Variants in CNTN5 observed in about 807,000 individuals in gnomAD.
The protein encoded by CNTN5 is contactin-5.
Under a neutral mutation model 129.1 loss-of-function variants are expected in CNTN5, and 77 were observed. The observed-to-expected ratio is 0.60, with a 90% CI of 0.50 to 0.72. The LOEUF is 0.72. CNTN5 is among the 30% of genes least tolerant of loss of function. The pLI, the probability that CNTN5 is intolerant of heterozygous loss-of-function variation, is 0.00. For synonymous variants in CNTN5, 509 were observed against 465.6 expected, an observed-to-expected ratio of 1.09 and a Z score of -1.20; for missense variants, 1,478 against 1,328.8, an observed-to-expected ratio of 1.11 and a Z score of -1.75.
chr11:99,831,161 T>C (rs557292293), intron 4 of CNTN5, among the ~76,000 whole-genome samples: 47 of 152,290 alleles, frequency 3.1e-4, no homozygotes, highest in Non-Finnish European at 4.7e-4. Context: ...AATACATCTT[T>C]ATTAATCAAA....
intron 4 of CNTN5, among the ~76,000 whole-genome samples, chr11:99,835,123 C>T (rs1394513946): frequency 3.9e-5 from 6 of 152,218 alleles, no homozygotes; most frequent in African/African-American, 1.4e-4. Flanking sequence ...TCCTACTTTG[C>T]TGTACGTGGT....
intron 21 of CNTN5, among the ~76,000 whole-genome samples, chr11:100,333,613 G>C (rs888558664): frequency 1.3e-5 from 2 of 152,052 alleles, no homozygotes; most frequent in Admixed American, 6.6e-5. Flanking sequence ...ACAGAATAGA[G>C]AACCCAGAAA....
intron 3 of CNTN5, among the ~76,000 whole-genome samples, chr11:99,637,348 T>A (rs1163135021): frequency 6.6e-6 from 1 of 152,000 alleles, no homozygotes; most frequent in Non-Finnish European, 1.5e-5. Flanking sequence ...CACAATGTCA[T>A]GATATCAAAG....
chr11:99,554,949 T>G (rs373101300), intron 2 of CNTN5, among the ~76,000 whole-genome samples: 1 of 152,044 alleles, frequency 6.6e-6, no homozygotes, highest in African/African-American at 2.4e-5. Flanking sequence ...AAAATTCTTT[T>G]GTTTAGGCTT....
At chr11:100,236,510 T>A (rs947147704) in intron 16 of CNTN5, among the ~76,000 whole-genome samples, 1 of 152,178 alleles carries the variant, frequency 6.6e-6, no homozygotes, top group African/African-American at 2.4e-5. Flanking sequence ...CTGAGTGACT[T>A]TGGTCTTTAC....
rs771328514 is a variant in CNTN5 at position 99,916,168 on chromosome 11, C to G, written c.673+19C>G. The G allele has an allele frequency of 1.3e-6, 2 of 1,582,056 alleles. No homozygotes were observed. The highest frequency in any genetic ancestry group is 1.7e-6 in the Non-Finnish European group (2 of 1,153,640). ...TCACCAGGTACAGTAGGATCTCATT[C>G]TTTGCTGCTGCTGCTGCTCTCTTTT... On this transcript the variant is annotated intron_variant, in intron 7 of 24. Transcript: ENST00000524871.
intron 13 of CNTN5, among the ~76,000 whole-genome samples, chr11:100,140,294 T>C (rs570596091): frequency 7.2e-5 from 11 of 152,250 alleles, no homozygotes; most frequent in Non-Finnish European, 1.3e-4. Context: ...GGTGCAGGCA[T>C]AGAGGAGGTG....
chr11:99,391,834 G>T (rs1277113173), intron 2 of CNTN5, among the ~76,000 whole-genome samples: 1 of 151,880 alleles, frequency 6.6e-6, no homozygotes, highest in East Asian at 1.9e-4. Context: ...GTCATATTAG[G>T]TATAAGGGCA....
intron 9 of CNTN5, among the ~76,000 whole-genome samples, chr11:100,017,992 G>T (rs528491222): frequency 6.6e-6 from 1 of 151,918 alleles, no homozygotes; most frequent in East Asian, 1.9e-4. Flanking sequence ...TTGTTTGGGG[G>T]GGTAAAATGG....
chr11:99,362,432 G>A (rs1441970342), intron 2 of CNTN5, among the ~76,000 whole-genome samples: 1 of 151,724 alleles, frequency 6.6e-6, no homozygotes, highest in Non-Finnish European at 1.5e-5. Flanking sequence ...TCTCTGGGTT[G>A]TTTTTCACTT....
chr11:100,188,653 G>T (rs1437554107), intron 13 of CNTN5, among the ~76,000 whole-genome samples: 1 of 152,172 alleles, frequency 6.6e-6, no homozygotes, highest in Non-Finnish European at 1.5e-5. Context: ...ATGTAAACTA[G>T]TTCAGCCACT....
intron 3 of CNTN5, among the ~76,000 whole-genome samples, chr11:99,779,210 C>G (rs1377103735): frequency 2.0e-5 from 3 of 151,736 alleles, no homozygotes. Flanking sequence ...AAATTTTTCT[C>G]TACAAGTTTG....
At chr11:100,342,336 T>C (rs1952183895) in intron 23 of CNTN5, among the ~76,000 whole-genome samples, 1 of 152,090 alleles carries the variant, frequency 6.6e-6, no homozygotes, top group African/African-American at 2.4e-5. Flanking sequence ...ATATACTGTT[T>C]AATGCTTAGG....
intron 1 of CNTN5, among the ~76,000 whole-genome samples, chr11:99,235,853 T>C (rs1861233316): frequency 6.6e-6 from 1 of 152,192 alleles, no homozygotes; most frequent in Non-Finnish European, 1.5e-5. Flanking sequence ...TCCTGTGTTT[T>C]AGCAGAAAAT....
rs927690287 is a variant in CNTN5, at chr11:99,029,289, T to A, written c.-210+8019T>A. On this transcript the variant is annotated intron_variant, in intron 1 of 24. Transcript: ENST00000524871. ...AGGGGATATTGAGATCTTTAGAACA[T>A]CAGCATTTAAAGATTATTCTGTGTA... Among the ~76,000 whole-genome samples, 98 of 152,058 alleles carry A rather than the reference T, an allele frequency of 6.4e-4. 1 individual carries two copies. The highest frequency in any genetic ancestry group is 2.4e-3 in the African/African-American group (98 of 41,552).
At chr11:100,193,352 G>C in intron 14 of CNTN5, 136 bp from the exon 15 acceptor site, 1 of 524,984 alleles carries the variant, frequency 1.9e-6, no homozygotes, top group South Asian at 3.5e-5. Context: ...TAATAAAGAT[G>C]TAAAAAAGCT....
intron 9 of CNTN5, among the ~76,000 whole-genome samples, chr11:100,015,691 G>T (rs2137540876): frequency 6.6e-6 from 1 of 151,926 alleles, no homozygotes; most frequent in Admixed American, 6.6e-5. Context: ...ACTTTTTCAA[G>T]ACACTTAATT....
intron 1 of CNTN5, among the ~76,000 whole-genome samples, chr11:99,087,489 G>C (rs1866050265): frequency 6.6e-6 from 1 of 152,174 alleles, no homozygotes; most frequent in Non-Finnish European, 1.5e-5. Flanking sequence ...ACTCTTAGAT[G>C]ACAAACAAGC....
chr11:100,253,491 G>A (rs1434759693), intron 16 of CNTN5, among the ~76,000 whole-genome samples: 4 of 152,064 alleles, frequency 2.6e-5, no homozygotes, highest in Non-Finnish European at 5.9e-5. Context: ...TCCCAGTGAC[G>A]AAGAAGTAAA....
Sources: gnomAD v4.1 joint callset for allele counts (sites outside exome capture counted in the v4.1 genomes callset) on GRCh38, gnomAD v4.1.1 for gene constraint, MANE v1.5 for transcripts, NCBI Gene and HGNC (gene_info 2026-07-23, HGNC 2026-07-21) for gene names.